The following DMXL1 variants were observed in gnomAD, a reference collection of about 807,000 sequenced individuals.
The protein encoded by DMXL1 is Dmx like 1, also known as dmX-like protein 1.
A neutral mutation model predicts 319.2 loss-of-function variants in DMXL1; 99 were observed. That is an observed-to-expected ratio of 0.31 (90% CI 0.26 to 0.37). The LOEUF (loss-of-function observed/expected upper bound fraction) is 0.37, where lower values mean the gene tolerates loss of function less well. Among genes scored for constraint, DMXL1 ranks in the 10% least tolerant of loss-of-function variants. DMXL1 has a pLI of 1.00. For missense variants in DMXL1, 3,745 were observed against 3,595.6 expected, an observed-to-expected ratio of 1.04 and a Z score of -1.06; for synonymous variants, 1,385 against 1,235.2, an observed-to-expected ratio of 1.12 and a Z score of -2.54.
chr5:119,108,570 C>T (rs978753884), intron 4 of DMXL1, among the ~76,000 whole-genome samples: 3 of 151,908 alleles, frequency 2.0e-5, no homozygotes, highest in East Asian at 1.9e-4. Flanking sequence ...ACTACAAGTG[C>T]GTGTCTAACT....
chr5:119,231,959 A>G (rs1786814849), intron 38 of DMXL1, among the ~76,000 whole-genome samples: 2 of 152,052 alleles, frequency 1.3e-5, no homozygotes, highest in African/African-American at 4.8e-5. Context: ...TAGCCTCCCA[A>G]TTAATTTCTT....
chr5:119,113,932 A>G (rs965510541), intron 5 of DMXL1, among the ~76,000 whole-genome samples: 1 of 152,230 alleles, frequency 6.6e-6, no homozygotes, highest in African/African-American at 2.4e-5. Context: ...AGATCAGTAT[A>G]TATGAGTAGC....
At position 119,150,143 on chromosome 5, in the gene DMXL1, C is replaced by T. The variant is rs1769441293; in HGVS notation, c.4316C>T (p.Ser1439Phe). The T allele has an allele frequency of 2.5e-6, 4 of 1,613,634 alleles. No individual in the cohort carries two copies. The South Asian group carries it at 4.4e-5, about 18-fold the overall frequency. ...ACGTTAAGTAAATCAAACCAATTAT[C>T]TAAAGAAAGTTATGATGAGCTTTTT... ...ESTLSKSNQL[S>F]KESYDELFQT... Residue 1439 changes from serine (S) to phenylalanine (F), a missense_variant, in exon 18 of 44, where the codon TCT becomes TTT. Physicochemically the swap from Ser to Phe is radical, Grantham distance 155. Transcript: ENST00000539542.
intron 35 of DMXL1, among the ~76,000 whole-genome samples, chr5:119,218,968 C>G (rs992986213): frequency 6.6e-6 from 1 of 152,096 alleles, no homozygotes; most frequent in Admixed American, 6.5e-5. Flanking sequence ...AGAAACAGTT[C>G]TGTTTGAGGC....
Position 119,185,262 on chromosome 5 carries a change from A to G in DMXL1, c.7136-4446A>G, listed in dbSNP as rs147900727. 9.6e-4 allele frequency among the ~76,000 whole-genome samples: 146 copies of G among 152,240 alleles called. 1 individual carries two copies. The highest frequency in any genetic ancestry group is 3.4e-3 in the African/African-American group (142 of 41,538). ...TATTTATCAAAAAATAAATCTAAGTAGAAGTTGTAGTATTTTCCTTCCATA... is the reference window on the plus strand; with the variant it reads ...TATTTATCAAAAAATAAATCTAAGTGGAAGTTGTAGTATTTTCCTTCCATA... On this transcript the variant is annotated intron_variant, in intron 28 of 43. Coordinates refer to ENST00000539542, the MANE Select transcript of DMXL1 (RefSeq NM_001290321.3).
At chr5:119,161,733 T>TG (rs1405520886) in intron 19 of DMXL1, among the ~76,000 whole-genome samples, 1 of 151,674 alleles carries the variant, frequency 6.6e-6, no homozygotes, top group Non-Finnish European at 1.5e-5. Context: ...TCTACCAGTC[T>TG]GGGCGGGGCT....
Position 119,150,013 on chromosome 5 carries a change from G to T in DMXL1, c.4186G>T (p.Asp1396Tyr). Residue 1396 changes from aspartate (D) to tyrosine (Y), a missense_variant, in exon 18 of 44, where the codon GAT becomes TAT. By Grantham distance (160) the Asp-to-Tyr change is radical. Coordinates refer to ENST00000539542, the MANE Select transcript of DMXL1 (RefSeq NM_001290321.3). ...GGCATTCAACAAGGCTGAAAATACA[G>T]ATTACACAGAAATAGATTCTGTTCC... ...PQAFNKAENT[D>Y]YTEIDSVPPL... The T allele has an allele frequency of 6.2e-7, 1 of 1,613,930 alleles. No homozygotes were observed. The highest frequency in any genetic ancestry group is 8.5e-7 in the Non-Finnish European group (1 of 1,179,910).
chr5:119,220,694 T>A, intron 36 of DMXL1, 101 bp downstream of exon 36: 1 of 1,426,828 alleles, frequency 7.0e-7, no homozygotes, highest in Non-Finnish European at 9.5e-7. Flanking sequence ...ATGTATAGAT[T>A]GTAAGCAGAG....
At chr5:119,091,249 C>T (rs923796028) in intron 1 of DMXL1, among the ~76,000 whole-genome samples, 1 of 152,068 alleles carries the variant, frequency 6.6e-6, no homozygotes, top group South Asian at 2.1e-4. Flanking sequence ...CTCTGTTGCC[C>T]AGGCTGGAGT....
chr5:119,150,563 A>T, intron 18 of DMXL1, 142 bp downstream of exon 18: 2 of 912,824 alleles, frequency 2.2e-6, no homozygotes, highest in Non-Finnish European at 3.1e-6. Flanking sequence ...CTGAGGCAGG[A>T]GGATCACTTG....
Position 119,216,637 on chromosome 5 carries a change from G to A in DMXL1, c.7927-264G>A, listed in dbSNP as rs1004988446. Among the ~76,000 whole-genome samples, 4 of 152,066 alleles carry A rather than the reference G, an allele frequency of 2.6e-5. 1 individual carries two copies. The highest frequency in any genetic ancestry group is 6.6e-5 in the Admixed American group (1 of 15,266). ...GTTGATCCTTTAAAGTTAATTAACT[G>A]TATCTCGGGAGGATAGCCACTTAAT... On this transcript the variant is annotated intron_variant, in intron 34 of 43. Transcript: ENST00000539542.
At chr5:119,165,432 A>G (rs1773216830) in intron 21 of DMXL1, 152 bp downstream of exon 21, 2 of 536,384 alleles carry the variant, frequency 3.7e-6, no homozygotes, top group South Asian at 3.1e-5. Context: ...TCGTAAGGAA[A>G]AAGCCCCAAG....
At chr5:119,187,246 C>T (rs1777902177) in intron 28 of DMXL1, among the ~76,000 whole-genome samples, 1 of 152,126 alleles carries the variant, frequency 6.6e-6, no homozygotes, top group Non-Finnish European at 1.5e-5. Context: ...CTCTTAATTT[C>T]TCCCTAATAC....
chr5:119,221,749 A>G (rs78167682), intron 37 of DMXL1, among the ~76,000 whole-genome samples: 3,298 of 151,966 alleles, frequency 0.022, 107 homozygotes, highest in African/African-American at 0.075. Context: ...TATCCATATT[A>G]AGTATCACTT....
intron 1 of DMXL1, among the ~76,000 whole-genome samples, chr5:119,083,575 T>C (rs1752688014): frequency 6.6e-6 from 1 of 152,006 alleles, no homozygotes; most frequent in Admixed American, 6.6e-5. Flanking sequence ...AGAGTCTTGC[T>C]CTGTTGCCCA....
intron 13 of DMXL1, chr5:119,139,034 A>T (rs1325125224): frequency 6.6e-6 from 1 of 152,244 alleles, no homozygotes; most frequent in African/African-American, 2.4e-5. Context: ...AGAATTTCAT[A>T]TCTAGTCAAA....
intron 34 of DMXL1, among the ~76,000 whole-genome samples, chr5:119,210,613 G>A (rs1219646025): frequency 6.6e-6 from 1 of 152,018 alleles, no homozygotes; most frequent in African/African-American, 2.4e-5. Flanking sequence ...GTCTAATTCT[G>A]GAGTCTGTTT....
rs1749545477 is a variant in DMXL1, at chr5:119,071,487, C to T, written c.-83C>T. 3 of 1,389,562 alleles carry T rather than the reference C, an allele frequency of 2.2e-6. No individual in the cohort carries two copies. Among genetic ancestry groups the T allele is most frequent in the East Asian group, 2.5e-5 (1 of 39,400 alleles). The allele number at this position is 1,389,562 out of a possible 1,614,324, so 86.1% of individuals were successfully genotyped here. On this transcript the variant is annotated 5_prime_UTR_variant, in exon 1 of 44. Coordinates refer to ENST00000539542, the MANE Select transcript of DMXL1 (RefSeq NM_001290321.3). Reference sequence around the variant, plus strand: ...TCGCCACCGAAGAGCGGCCGCCGCCCCTGAGGGAAGGAGGGAGGGAAGCAG... The same window carrying T: ...TCGCCACCGAAGAGCGGCCGCCGCCTCTGAGGGAAGGAGGGAGGGAAGCAG...
chr5:119,190,362 G>C (rs1305417010), intron 29 of DMXL1, among the ~76,000 whole-genome samples: 2 of 152,182 alleles, frequency 1.3e-5, no homozygotes, highest in Non-Finnish European at 2.9e-5. Flanking sequence ...TTAAATATGA[G>C]TAAACTTCCC....
Sources: allele counts gnomAD v4.1 joint callset (sites outside exome capture counted in the v4.1 genomes callset), GRCh38; gene constraint gnomAD v4.1.1; transcripts MANE v1.5; gene names NCBI Gene and HGNC (gene_info 2026-07-23, HGNC 2026-07-21).